Variants in DPP10 observed in about 807,000 individuals in gnomAD.
The protein encoded by DPP10 is dipeptidyl peptidase like 10.
Under a neutral mutation model 120.9 loss-of-function variants are expected in DPP10, and 33 were observed. The observed-to-expected ratio is 0.27, with a 90% CI of 0.21 to 0.37. DPP10 has a LOEUF of 0.37. DPP10 is among the 10% of genes least tolerant of loss of function. The pLI is 1.00. For missense variants in DPP10, 816 were observed against 942.8 expected (o/e 0.87, Z 1.76); for synonymous variants, 337 against 326.1 (o/e 1.03, Z -0.36).
intron 1 of DPP10, among the ~76,000 whole-genome samples, chr2:115,075,033 CAA>C (rs1707672957): frequency 6.6e-6 from 1 of 152,134 alleles, no homozygotes; most frequent in South Asian, 2.1e-4. Flanking sequence ...GTCCCACAGA[CAA>C]GAGAGTGAGA....
intron 1 of DPP10, among the ~76,000 whole-genome samples, chr2:115,005,761 G>A (rs1283029444): frequency 1.3e-5 from 2 of 152,052 alleles, no homozygotes; most frequent in Admixed American, 1.3e-4. Context: ...TGAAAGTGAT[G>A]GGGAGAATGG....
At chr2:114,563,370 C>CAA (rs72023983) in intron 1 of DPP10, among the ~76,000 whole-genome samples, 5 of 105,420 alleles carry the variant, frequency 4.7e-5, no homozygotes, top group Non-Finnish European at 8.0e-5. Flanking sequence ...GACTCCATCT[C>CAA]AAAAAAAAAA....
intron 1 of DPP10, among the ~76,000 whole-genome samples, chr2:115,070,281 G>A (rs1303486937): frequency 2.6e-5 from 4 of 152,062 alleles, no homozygotes; most frequent in African/African-American, 9.7e-5. Context: ...ATAGCACCAA[G>A]AGGAATGTTC....
At chr2:114,699,252 T>C (rs766734770) in intron 1 of DPP10, among the ~76,000 whole-genome samples, 3 of 152,150 alleles carry the variant, frequency 2.0e-5, no homozygotes, top group Non-Finnish European at 2.9e-5. Context: ...TGTATGCGTT[T>C]GTATAAATAT....
chr2:115,216,600 A>G (rs2056835582), intron 1 of DPP10, among the ~76,000 whole-genome samples: 2 of 152,070 alleles, frequency 1.3e-5, no homozygotes, highest in African/African-American at 2.4e-5. Context: ...CCTGGCCAAC[A>G]TGGTGAAACC....
At chr2:115,020,583 C>T (rs780199325) in intron 1 of DPP10, among the ~76,000 whole-genome samples, 14 of 151,906 alleles carry the variant, frequency 9.2e-5, no homozygotes, top group Non-Finnish European at 1.8e-4. Flanking sequence ...AATACTCCAC[C>T]GTCAGCACTA....
intron 3 of DPP10, among the ~76,000 whole-genome samples, chr2:115,373,885 AAGAG>A (rs3039945): frequency 1.8e-4 from 27 of 146,114 alleles, no homozygotes; most frequent in Admixed American, 3.5e-4. Context: ...AGCCAAGCAG[AAGAG>A]AGAGAGAGAG....
chr2:115,332,188 C>T (rs1367635049), intron 2 of DPP10, among the ~76,000 whole-genome samples: 1 of 152,122 alleles, frequency 6.6e-6, no homozygotes, highest in Admixed American at 6.6e-5. Flanking sequence ...TCCATTTCTT[C>T]TAGATTTTCT....
At chr2:115,119,208 A>AT (rs1039447366) in intron 1 of DPP10, among the ~76,000 whole-genome samples, 1 of 152,012 alleles carries the variant, frequency 6.6e-6, no homozygotes, top group Non-Finnish European at 1.5e-5. Flanking sequence ...CATTTGAAGC[A>AT]TTTTTCCCTT....
intron 1 of DPP10, among the ~76,000 whole-genome samples, chr2:114,731,713 A>T (rs899224011): frequency 2.6e-5 from 4 of 152,174 alleles, no homozygotes; most frequent in Non-Finnish European, 5.9e-5. Flanking sequence ...AAACACATGA[A>T]ATAGCAGAAG....
At chr2:115,805,517 G>A (rs190960518) in intron 19 of DPP10, among the ~76,000 whole-genome samples, 217 of 151,432 alleles carry the variant, frequency 1.4e-3, no homozygotes, top group Non-Finnish European at 2.4e-3. Flanking sequence ...CGTCTTCTGC[G>A]TGGCTCAGGC....
intron 5 of DPP10, among the ~76,000 whole-genome samples, chr2:115,683,873 A>G (rs1376731759): frequency 6.6e-6 from 1 of 151,788 alleles, no homozygotes. Context: ...TAGAAAAGCC[A>G]TGGATTTCAG....
chr2:114,571,638 A>G (rs536992373), intron 1 of DPP10, among the ~76,000 whole-genome samples: 58 of 152,176 alleles, frequency 3.8e-4, no homozygotes, highest in African/African-American at 1.4e-3. Flanking sequence ...GTCTCTACAG[A>G]AAAATGTGCT....
At chr2:115,581,532 A>G (rs537904865) in intron 5 of DPP10, among the ~76,000 whole-genome samples, 6 of 152,192 alleles carry the variant, frequency 3.9e-5, no homozygotes, top group South Asian at 4.2e-4. Flanking sequence ...CGCTCATGCT[A>G]CTATACTCTG....
chr2:114,805,332 A>G (rs1684633116), intron 1 of DPP10, among the ~76,000 whole-genome samples: 1 of 152,188 alleles, frequency 6.6e-6, no homozygotes, highest in Admixed American at 6.5e-5. Flanking sequence ...AGTGCTAGGC[A>G]TTCTACTACC....
chr2:115,455,281 G>A (rs550614832), intron 3 of DPP10, among the ~76,000 whole-genome samples: 10 of 151,646 alleles, frequency 6.6e-5, no homozygotes, highest in Non-Finnish European at 1.0e-4. Context: ...TTCTAAGTAG[G>A]CTTTTTTTGG....
intron 5 of DPP10, among the ~76,000 whole-genome samples, chr2:115,531,327 G>A: frequency 6.6e-6 from 1 of 152,070 alleles, no homozygotes; most frequent in East Asian, 1.9e-4. Flanking sequence ...ATGCATTCAA[G>A]ACTGAGAACC....
intron 1 of DPP10, among the ~76,000 whole-genome samples, chr2:114,965,016 G>C (rs978167458): frequency 1.3e-5 from 2 of 152,174 alleles, no homozygotes; most frequent in African/African-American, 4.8e-5. Flanking sequence ...TGTTAACAAA[G>C]AGACTAAGTA....
At chr2:114,847,766 T>G (rs1285562617) in intron 1 of DPP10, among the ~76,000 whole-genome samples, 1 of 152,202 alleles carries the variant, frequency 6.6e-6, no homozygotes, top group African/African-American at 2.4e-5. Flanking sequence ...TAATCTTTCC[T>G]TTTTGTAAAG....
Sources: allele counts gnomAD v4.1 joint callset (sites outside exome capture counted in the v4.1 genomes callset), GRCh38; gene constraint gnomAD v4.1.1; transcripts MANE v1.5; gene names NCBI Gene and HGNC (gene_info 2026-07-23, HGNC 2026-07-21).